Variants in PNPT1 observed in about 807,000 individuals in gnomAD.
PNPT1 encodes polyribonucleotide nucleotidyltransferase 1.
PNPT1 carries 53 observed loss-of-function variants against 119.5 expected under a neutral mutation model. That is an observed-to-expected ratio of 0.44 (90% CI 0.36 to 0.56). The LOEUF (loss-of-function observed/expected upper bound fraction) is 0.56. Ranked by LOEUF, PNPT1 falls within the 20% of genes least tolerant of loss-of-function variation. PNPT1 has a pLI of 0.00. For missense variants in PNPT1, 948 were observed against 938.5 expected (o/e 1.01, Z -0.13); for synonymous variants, 357 against 322.1 (o/e 1.11, Z -1.16).
intron 5 of PNPT1, among the ~76,000 whole-genome samples, chr2:55,681,587 G>A (rs1227910013): frequency 6.6e-6 from 1 of 152,190 alleles, no homozygotes; most frequent in Non-Finnish European, 1.5e-5. Flanking sequence ...GCTCACGCCT[G>A]TAATCTCAAC....
rs940741746 is a variant in PNPT1 at position 55,676,831 on chromosome 2, C to A, written c.679+2851G>T. On this transcript the variant is annotated intron_variant, in intron 8 of 27. Coordinates refer to ENST00000447944, the MANE Select transcript of PNPT1 (RefSeq NM_033109.5). ...GAGCCAAGATCATGCCACTGTACTC[C>A]AGCCTCGGCAACAGAGAGAGACCTG... is the stretch of plus-strand genomic sequence containing the variant. 5.6e-4 allele frequency among the ~76,000 whole-genome samples: 84 copies of A among 149,788 alleles called. No individual in the cohort carries two copies. In the Middle Eastern group the frequency reaches 0.01, roughly 18 times the overall value.
At chr2:55,691,935 G>A (rs1203662530) in intron 1 of PNPT1, among the ~76,000 whole-genome samples, 1 of 135,290 alleles carries the variant, frequency 7.4e-6, no homozygotes, top group African/African-American at 2.8e-5. Context: ...CACCCAGGCT[G>A]GAGTGCAATG....
intron 1 of PNPT1, among the ~76,000 whole-genome samples, chr2:55,688,031 T>G (rs1286469019): frequency 6.6e-6 from 1 of 151,730 alleles, no homozygotes; most frequent in African/African-American, 2.4e-5. Context: ...TTGTGCCTTG[T>G]ATCTTCTTTT....
At chr2:55,673,791 A>G (rs916167422) in intron 8 of PNPT1, among the ~76,000 whole-genome samples, 5 of 151,860 alleles carry the variant, frequency 3.3e-5, no homozygotes, top group Admixed American at 3.3e-4. Context: ...TTTTCTGTGA[A>G]CTGTTTATAT....
intron 15 of PNPT1, among the ~76,000 whole-genome samples, chr2:55,657,172 T>C (rs906534476): frequency 6.6e-6 from 1 of 151,794 alleles, no homozygotes; most frequent in African/African-American, 2.4e-5. Flanking sequence ...CTACTAAAAA[T>C]AGAAAAATCA....
intron 18 of PNPT1, among the ~76,000 whole-genome samples, chr2:55,650,955 G>A (rs1337832119): frequency 4.1e-4 from 60 of 147,172 alleles, no homozygotes; most frequent in Non-Finnish European, 7.4e-4. Context: ...GGGGGGATCA[G>A]CCCCCCGCCC....
intron 8 of PNPT1, among the ~76,000 whole-genome samples, chr2:55,674,512 G>C (rs1056727320): frequency 3.3e-5 from 5 of 152,156 alleles, no homozygotes; most frequent in Non-Finnish European, 2.9e-5. Context: ...AGAATCACTT[G>C]AACCCAGGAG....
intron 15 of PNPT1, 74 bp from the exon 16 acceptor site, chr2:55,656,445 A>C (rs1696391548): frequency 7.6e-7 from 1 of 1,322,604 alleles, no homozygotes; most frequent in Admixed American, 2.4e-5. Context: ...TACCAAAATA[A>C]TAAAACAACT....
In PNPT1 at chr2:55,673,073, A is replaced by G; in HGVS notation, c.686T>C (p.Leu229Ser). 1.3e-6 allele frequency: 2 copies of G among 1,575,036 alleles called. No homozygotes were observed. Among genetic ancestry groups the G allele is most frequent in the Non-Finnish European group, 1.7e-6 (2 of 1,168,218 alleles). Residue 229 changes from leucine (L) to serine (S), a missense_variant, in exon 9 of 28, where the codon TTG (leucine) becomes TCG (serine). Coordinates refer to ENST00000447944, the MANE Select transcript of PNPT1 (RefSeq NM_033109.5). ...AGAPKSQIVM[L>S]EASAENILQQ... is the part of the protein sequence containing the mutation. The stretch of plus-strand genomic sequence containing the variant: ...TAAAATGTTCTCTGCAGAGGCTTCC[A>G]ACATGACTATTTAAAGGAAAAAGAA...
At chr2:55,656,786 TTTTTAGA>T (rs1328367360) in intron 15 of PNPT1, among the ~76,000 whole-genome samples, 2 of 152,228 alleles carry the variant, frequency 1.3e-5, no homozygotes, top group African/African-American at 4.8e-5. Context: ...ACACTGATAC[TTTTTAGA>T]GTTATCTCTC....
chr2:55,682,257 A>T (rs1166964857), intron 5 of PNPT1, among the ~76,000 whole-genome samples: 1 of 152,176 alleles, frequency 6.6e-6, no homozygotes, highest in Non-Finnish European at 1.5e-5. Context: ...CACGAGTTCA[A>T]GACCAGTCTG....
intron 1 of PNPT1, among the ~76,000 whole-genome samples, chr2:55,693,189 A>G (rs1697677063): frequency 6.6e-6 from 1 of 152,180 alleles, no homozygotes; most frequent in Admixed American, 6.5e-5. Context: ...AGGAGGCTGA[A>G]GGAGCCCGAG....
Position 55,646,250 on chromosome 2 carries a change from C to G in PNPT1, c.1738+9G>C, listed in dbSNP as rs7584120. On this transcript the variant is annotated intron_variant, in intron 21 of 27. Transcript: ENST00000447944. ...AAGAATGAAGGGAGAATCAAGCACA[C>G]TAGCTCACCTGAAGCTTGTTGAATA... 193,387 of 1,606,680 alleles carry G rather than the reference C, an allele frequency of 0.12. 15,900 individuals carry two copies. The highest frequency in any genetic ancestry group is 0.42 in the African/African-American group (30,977 of 74,608).
chr2:55,684,641 G>A (rs1377202516), intron 4 of PNPT1, among the ~76,000 whole-genome samples: 2 of 152,216 alleles, frequency 1.3e-5, no homozygotes, highest in Non-Finnish European at 2.9e-5. Context: ...CAAAGTAGAG[G>A]CATGGGCCAA....
At chr2:55,646,151 T>C (rs1208255665) in intron 21 of PNPT1, 108 bp downstream of exon 21, 1 of 1,118,856 alleles carries the variant, frequency 8.9e-7, no homozygotes, top group Admixed American at 2.7e-5. Context: ...CTAAGTTATA[T>C]GAAATTCCAC....
At chr2:55,666,962 A>G in intron 13 of PNPT1, 29 bp downstream of exon 13, 1 of 1,437,958 alleles carries the variant, frequency 7.0e-7, no homozygotes, top group Non-Finnish European at 9.4e-7. Flanking sequence ...TTAATTTAGC[A>G]AATAATTAGA....
intron 3 of PNPT1, among the ~76,000 whole-genome samples, chr2:55,686,111 A>C (rs1210194220): frequency 6.6e-6 from 1 of 151,938 alleles, no homozygotes; most frequent in African/African-American, 2.4e-5. Context: ...TGCTTATTCA[A>C]TGTCAAAGTA....
At position 55,685,034 on chromosome 2, in the gene PNPT1, T is replaced by C. The variant is rs539047402; in HGVS notation, c.312A>G (p.Gln104=). The C allele has an allele frequency of 4.4e-6, 7 of 1,590,578 alleles. No individual in the cohort carries two copies. Among genetic ancestry groups the C allele is most frequent in the Non-Finnish European group, 5.2e-6 (6 of 1,163,702 alleles). ...QFMPLVVDYR[Q]KAAAAGRIPT... is the part of the protein sequence containing the mutation. ...GAATTCTACCTGCTGCAGCAGCTTT[T>C]TGTCTGTAGTCAACCTGAAGCAGCA... Residue 104 remains glutamine (Q), a synonymous_variant, in exon 4 of 28, where the codon CAA becomes CAG. Transcript: ENST00000447944.
At chr2:55,652,087 A>C (rs1474858287) in intron 18 of PNPT1, among the ~76,000 whole-genome samples, 1 of 152,202 alleles carries the variant, frequency 6.6e-6, no homozygotes, top group East Asian at 1.9e-4. Flanking sequence ...GATGAAATGT[A>C]GCAGTCTCTC....
Sources: gnomAD v4.1 joint callset for allele counts (sites outside exome capture counted in the v4.1 genomes callset) on GRCh38, gnomAD v4.1.1 for gene constraint, MANE v1.5 for transcripts, NCBI Gene and HGNC (gene_info 2026-07-23, HGNC 2026-07-21) for gene names.